The following ZMYM2 variants were observed in gnomAD, a reference collection of about 807,000 sequenced individuals.
The protein encoded by ZMYM2 is zinc finger MYM-type containing 2.
A neutral mutation model predicts 162.8 loss-of-function variants in ZMYM2; 56 were observed. The ratio of observed to expected loss-of-function variants is 0.34; its 90% CI spans 0.28 to 0.43. The LOEUF (loss-of-function observed/expected upper bound fraction) is 0.43, where lower values mean the gene tolerates loss of function less well. Ranked by LOEUF, ZMYM2 falls within the 20% of genes least tolerant of loss-of-function variation. The pLI is 1.00. For synonymous variants in ZMYM2, 510 were observed against 541.6 expected, an observed-to-expected ratio of 0.94 and a Z score of 0.81; for missense variants, 1,275 against 1,621.8, an observed-to-expected ratio of 0.79 and a Z score of 3.67.
intron 3 of ZMYM2, among the ~76,000 whole-genome samples, chr13:19,997,155 C>T (rs1950076971): frequency 3.9e-5 from 6 of 152,238 alleles, no homozygotes; most frequent in Admixed American, 3.9e-4. Flanking sequence ...GTTTTGTTGT[C>T]TGTTTTTTCC....
At chr13:19,878,785 G>T in the ZMYM2 span, among the ~76,000 whole-genome samples, 3 of 152,174 alleles carry the variant, frequency 2.0e-5, no homozygotes, top group Non-Finnish European at 4.4e-5. Context: ...GACTCCCAAA[G>T]TGCAGGCATG....
the ZMYM2 span, among the ~76,000 whole-genome samples, chr13:19,944,508 T>C: frequency 6.6e-6 from 1 of 152,290 alleles, no homozygotes; most frequent in South Asian, 2.1e-4. Flanking sequence ...AGAAAAAGAA[T>C]ACATACTTTT....
the ZMYM2 span, among the ~76,000 whole-genome samples, chr13:19,884,776 C>T: frequency 6.6e-6 from 1 of 152,080 alleles, no homozygotes; most frequent in Non-Finnish European, 1.5e-5. Context: ...AGTGCCGACG[C>T]CCCCAAGACA....
the ZMYM2 span, among the ~76,000 whole-genome samples, chr13:19,922,364 C>T: frequency 6.6e-6 from 1 of 152,078 alleles, no homozygotes; most frequent in African/African-American, 2.4e-5. Context: ...TAGTGTCCTG[C>T]GCGGCATTAT....
At chr13:19,952,467 A>G in the ZMYM2 span, among the ~76,000 whole-genome samples, 2 of 152,200 alleles carry the variant, frequency 1.3e-5, no homozygotes, top group Non-Finnish European at 2.9e-5. Context: ...CACAATGTAT[A>G]TATATTTCAA....
chr13:20,028,712 C>A (rs1952800146), intron 9 of ZMYM2, among the ~76,000 whole-genome samples: 1 of 152,048 alleles, frequency 6.6e-6, no homozygotes. Flanking sequence ...ATATCTAATG[C>A]CATGTAAATG....
intron 2 of ZMYM2, among the ~76,000 whole-genome samples, chr13:19,979,027 A>ATT (rs140872149): frequency 1.3e-5 from 2 of 151,884 alleles, no homozygotes; most frequent in Non-Finnish European, 2.9e-5. Flanking sequence ...TGGCTGACAG[A>ATT]TTTTTTTCCC....
chr13:20,059,607 C>G (rs1417400501), intron 16 of ZMYM2, 45 bp downstream of exon 16: 1 of 892,408 alleles, frequency 1.1e-6, no homozygotes, highest in African/African-American at 1.6e-5. Flanking sequence ...ATTTAGCAGA[C>G]ACAGTTGGGA....
At chr13:19,970,914 TGAAA>T (rs1956255984) in intron 2 of ZMYM2, among the ~76,000 whole-genome samples, 2 of 151,958 alleles carry the variant, frequency 1.3e-5, no homozygotes, top group African/African-American at 4.8e-5. Flanking sequence ...ATCTTTTCTT[TGAAA>T]GAGAGACATT....
At chr13:19,944,345 C>T in the ZMYM2 span, among the ~76,000 whole-genome samples, 1 of 152,080 alleles carries the variant, frequency 6.6e-6, no homozygotes, top group Non-Finnish European at 1.5e-5. Context: ...GACTGAGGGT[C>T]ACTGTAATCT....
intron 10 of ZMYM2, among the ~76,000 whole-genome samples, chr13:20,033,958 C>G (rs191232738): frequency 3.3e-5 from 5 of 152,274 alleles, no homozygotes; most frequent in Non-Finnish European, 7.4e-5. Flanking sequence ...TATTTTCCAT[C>G]ATTTTCTTCC....
chr13:19,919,195 T>A, the ZMYM2 span, among the ~76,000 whole-genome samples: 1 of 151,858 alleles, frequency 6.6e-6, no homozygotes, highest in African/African-American at 2.4e-5. Context: ...ATATGAAGAG[T>A]TTGTTCCTTT....
chr13:20,026,466 T>C (rs1952591427), intron 7 of ZMYM2, 146 bp from the exon 8 acceptor site: 2 of 674,098 alleles, frequency 3.0e-6, no homozygotes, highest in Non-Finnish European at 4.8e-6. Flanking sequence ...TAATAGTTTG[T>C]ATGTAGATGA....
At chr13:20,041,331 TTTGATCTTTG>T (rs928716558) in intron 12 of ZMYM2, among the ~76,000 whole-genome samples, 10 of 152,334 alleles carry the variant, frequency 6.6e-5, no homozygotes, top group African/African-American at 2.4e-4. Context: ...CTTTGTCTTT[TTTGATCTTTG>T]TTGGTTTAAA....
intron 3 of ZMYM2, among the ~76,000 whole-genome samples, chr13:19,999,012 G>A (rs976826595): frequency 6.6e-6 from 1 of 152,198 alleles, no homozygotes; most frequent in African/African-American, 2.4e-5. Flanking sequence ...TATTGGTAGT[G>A]CCATGGGAGG....
At chr13:20,015,373 CAT>C (rs1951536096) in intron 6 of ZMYM2, among the ~76,000 whole-genome samples, 1 of 152,154 alleles carries the variant, frequency 6.6e-6, no homozygotes, top group South Asian at 2.1e-4. Context: ...TGTGGCCTAA[CAT>C]AGTTCATTCT....
At chr13:19,953,682 CAAAAAAAAA>C (rs35266783), upstream of ZMYM2, among the ~76,000 whole-genome samples, 1 of 75,282 alleles carries the variant, frequency 1.3e-5, no homozygotes, top group East Asian at 4.5e-4. Flanking sequence ...GACTCTGTCT[CAAAAAAAAA>C]AAAAAAAAAA....
At chr13:20,012,111 C>T (rs1343714299) in intron 6 of ZMYM2, among the ~76,000 whole-genome samples, 1 of 152,056 alleles carries the variant, frequency 6.6e-6, no homozygotes, top group East Asian at 1.9e-4. Context: ...GTCTCGAACT[C>T]CTGACCTTCA....
At chr13:19,987,562 C>T (rs959555374) in intron 2 of ZMYM2, among the ~76,000 whole-genome samples, 4 of 147,764 alleles carry the variant, frequency 2.7e-5, no homozygotes, top group East Asian at 3.9e-4. Context: ...CGCACCCGGG[C>T]GCCCCGCTAC....
Sources: allele counts gnomAD v4.1 joint callset (sites outside exome capture counted in the v4.1 genomes callset), GRCh38; gene constraint gnomAD v4.1.1; transcripts MANE v1.5; gene names NCBI Gene and HGNC (gene_info 2026-07-23, HGNC 2026-07-21).